The following GSE1 variants were observed in gnomAD, a reference collection of about 807,000 sequenced individuals.
The protein encoded by GSE1 is genetic suppressor element 1.
In GSE1, 32 loss-of-function variants were observed where a neutral mutation model predicts 112.6. The ratio of observed to expected loss-of-function variants is 0.28; its 90% CI spans 0.21 to 0.38. The LOEUF (loss-of-function observed/expected upper bound fraction) is 0.38, where lower values mean the gene tolerates loss of function less well. Among genes scored for constraint, GSE1 ranks in the 10% least tolerant of loss-of-function variants. The pLI is 1.00. For synonymous variants in GSE1, 1,115 were observed against 735.6 expected, an observed-to-expected ratio of 1.52 and a Z score of -8.35; for missense variants, 2,348 against 1,699.2, an observed-to-expected ratio of 1.38 and a Z score of -6.71.
At chr16:85,210,319 C>T (rs1298177392) in intron 1 of GSE1, among the ~76,000 whole-genome samples, 1 of 152,214 alleles carries the variant, frequency 6.6e-6, no homozygotes, top group East Asian at 1.9e-4. Context: ...CAAATGTCCA[C>T]AGTAAGGTGT....
chr16:85,183,447 G>A (rs566913202), intron 1 of GSE1, among the ~76,000 whole-genome samples: 6 of 152,276 alleles, frequency 3.9e-5, no homozygotes, highest in African/African-American at 7.2e-5. Context: ...GTACAGGGTG[G>A]GGTTGGAGAG....
intron 1 of GSE1, among the ~76,000 whole-genome samples, chr16:85,615,433 T>C (rs2048314380): frequency 6.6e-6 from 1 of 152,118 alleles, no homozygotes; most frequent in Non-Finnish European, 1.5e-5. Context: ...GGATGGCTTT[T>C]GTCACTCTGG....
intron 2 of GSE1, among the ~76,000 whole-genome samples, chr16:85,444,096 T>C (rs527641087): frequency 3.4e-5 from 5 of 147,752 alleles, no homozygotes; most frequent in African/African-American, 1.2e-4. Flanking sequence ...GCGATTCTCC[T>C]GCCTCAGCCT....
At chr16:85,412,941 A>T (rs987474029) in intron 2 of GSE1, among the ~76,000 whole-genome samples, 10 of 152,154 alleles carry the variant, frequency 6.6e-5, no homozygotes, top group African/African-American at 2.4e-4. Context: ...TGTATTGACC[A>T]TGTGTCCGTG....
intron 1 of GSE1, among the ~76,000 whole-genome samples, chr16:85,570,034 T>C (rs1281625392): frequency 2.6e-5 from 4 of 152,196 alleles, no homozygotes; most frequent in Non-Finnish European, 4.4e-5. Context: ...CAAGATACAG[T>C]TGCGGCCCTG....
At chr16:85,183,286 G>T (rs560478078) in intron 1 of GSE1, among the ~76,000 whole-genome samples, 1 of 152,332 alleles carries the variant, frequency 6.6e-6, no homozygotes, top group East Asian at 1.9e-4. Context: ...GGTGAATCTG[G>T]CAGGGCCCGT....
intron 14 of GSE1, among the ~76,000 whole-genome samples, chr16:85,669,057 C>A (rs1434817695): frequency 6.6e-6 from 1 of 152,272 alleles, no homozygotes; most frequent in Admixed American, 6.5e-5. Context: ...TCTCCCCTGC[C>A]AGGGAGTGGG....
intron 2 of GSE1, among the ~76,000 whole-genome samples, chr16:85,430,866 G>C (rs968155280): frequency 6.6e-6 from 1 of 152,230 alleles, no homozygotes; most frequent in Non-Finnish European, 1.5e-5. Flanking sequence ...GCCCTGCCCC[G>C]GGGTCTCAGA....
intron 1 of GSE1, among the ~76,000 whole-genome samples, chr16:85,304,898 TA>T (rs907025948): frequency 1.3e-5 from 2 of 151,942 alleles, no homozygotes; most frequent in African/African-American, 4.8e-5. Flanking sequence ...TTTGAGCCCC[TA>T]AAAAAAATGA....
intron 1 of GSE1, among the ~76,000 whole-genome samples, chr16:85,228,639 C>T (rs1184031761): frequency 2.0e-5 from 3 of 152,168 alleles, no homozygotes; most frequent in Non-Finnish European, 4.4e-5. Context: ...GTATGCCTAA[C>T]GGGTGCCGTT....
chr16:85,198,279 G>T (rs2074966273), intron 1 of GSE1, among the ~76,000 whole-genome samples: 1 of 152,232 alleles, frequency 6.6e-6, no homozygotes. Flanking sequence ...GGCTGTAAAA[G>T]GGGAGAGGAA....
At chr16:85,401,055 G>T (rs917620109) in intron 2 of GSE1, among the ~76,000 whole-genome samples, 2 of 152,156 alleles carry the variant, frequency 1.3e-5, no homozygotes, top group Non-Finnish European at 2.9e-5. Flanking sequence ...ACCTCCGCGT[G>T]GAGGCCAAAC....
intron 2 of GSE1, among the ~76,000 whole-genome samples, chr16:85,518,043 G>A (rs1345360067): frequency 1.3e-5 from 2 of 152,190 alleles, no homozygotes; most frequent in Non-Finnish European, 2.9e-5. Flanking sequence ...CAGGGACACG[G>A]CTCCTGGCCC....
Position 85,657,323 on chromosome 16 carries a change from C to G in GSE1, c.1359C>G (p.His453Gln). The change falls in exon 8 of 16, where the codon CAC becomes CAG. Residue 453 changes from histidine to glutamine, a missense_variant. Coordinates refer to ENST00000253458, the MANE Select transcript of GSE1 (RefSeq NM_014615.5). ...AGLQAPKPVQHPLHPVPTPHH... is the reference protein window; with the variant it reads ...AGLQAPKPVQQPLHPVPTPHH... ...TGCAGGCGCCCAAGCCCGTCCAACACCCCTTGCATCCGGTGCCCACCCCAC... is the reference window on the plus strand; with the variant it reads ...TGCAGGCGCCCAAGCCCGTCCAACAGCCCTTGCATCCGGTGCCCACCCCAC... 1 of 1,604,784 alleles carries G rather than the reference C, an allele frequency of 6.2e-7. No individual in the cohort carries two copies. The highest frequency in any genetic ancestry group is 8.5e-7 in the Non-Finnish European group (1 of 1,176,300).
intron 2 of GSE1, among the ~76,000 whole-genome samples, chr16:85,526,033 C>G (rs1170932592): frequency 1.3e-5 from 2 of 152,210 alleles, no homozygotes; most frequent in African/African-American, 2.4e-5. Context: ...TGGGACCGTG[C>G]AACTTTCCCT....
At chr16:85,436,792 C>T (rs531240018) in intron 2 of GSE1, among the ~76,000 whole-genome samples, 13 of 152,320 alleles carry the variant, frequency 8.5e-5, no homozygotes, top group South Asian at 4.1e-4. Context: ...TGGGACCCCA[C>T]GCGCGCTGCC....
At chr16:85,292,978 C>G (rs1400773657) in intron 1 of GSE1, among the ~76,000 whole-genome samples, 2 of 152,166 alleles carry the variant, frequency 1.3e-5, no homozygotes, top group Non-Finnish European at 2.9e-5. Flanking sequence ...ACAATACAAG[C>G]CACATGTTTT....
At chr16:85,197,435 T>C (rs2074949147) in intron 1 of GSE1, among the ~76,000 whole-genome samples, 1 of 152,234 alleles carries the variant, frequency 6.6e-6, no homozygotes, top group Non-Finnish European at 1.5e-5. Context: ...TTACAGCGTC[T>C]TTAACTCAAT....
chr16:85,478,178 C>T (rs559646655), intron 2 of GSE1, among the ~76,000 whole-genome samples: 19 of 152,220 alleles, frequency 1.2e-4, no homozygotes, highest in East Asian at 1.2e-3. Flanking sequence ...CTTCACGGTT[C>T]GTCCGTGCAG....
Sources: gnomAD v4.1 joint callset for allele counts (sites outside exome capture counted in the v4.1 genomes callset) on GRCh38, gnomAD v4.1.1 for gene constraint, MANE v1.5 for transcripts, NCBI Gene and HGNC (gene_info 2026-07-23, HGNC 2026-07-21) for gene names.